The following AOPEP variants were observed in gnomAD, a reference collection of about 807,000 sequenced individuals.
AOPEP encodes aminopeptidase O.
Under a neutral mutation model 98.1 loss-of-function variants are expected in AOPEP, and 77 were observed. The observed-to-expected ratio is 0.78, with a 90% CI of 0.65 to 0.95. The LOEUF (loss-of-function observed/expected upper bound fraction) is 0.95. Among genes scored for constraint, AOPEP ranks in the 40% least tolerant of loss-of-function variants. The pLI is 0.00. For synonymous variants in AOPEP, 346 were observed against 365.3 expected, an observed-to-expected ratio of 0.95 and a Z score of 0.60; for missense variants, 1,024 against 1,024.7, an observed-to-expected ratio of 1.00 and a Z score of 0.01.
In AOPEP at chr9:95,058,297, AC is replaced by A. The variant is rs528852302; in HGVS notation, c.2116-2395del. Among the ~76,000 whole-genome samples the A allele has an allele frequency of 2.4e-3, 361 of 152,284 alleles. 1 individual carries two copies. Among genetic ancestry groups the A allele is most frequent in the African/African-American group, 8.1e-3 (338 of 41,542 alleles). Reference sequence around the variant, plus strand: ...TGCTCTGTGTGTCTCTTTAGTTTAGACCAAATCCCAAATGAGAGTTCTAACA... The same window carrying A: ...TGCTCTGTGTGTCTCTTTAGTTTAGACAAATCCCAAATGAGAGTTCTAACA... On this transcript the variant is annotated intron_variant, in intron 13 of 16. Coordinates refer to ENST00000375315, the MANE Select transcript of AOPEP (RefSeq NM_001193329.3).
chr9:94,834,820 AC>A (rs1564220671), intron 5 of AOPEP, among the ~76,000 whole-genome samples: 4 of 146,810 alleles, frequency 2.7e-5, no homozygotes, highest in African/African-American at 1.1e-4. Context: ...ATGCATACAT[AC>A]ATACATACAT....
chr9:95,046,012 CT>C (rs1267183644), intron 13 of AOPEP, among the ~76,000 whole-genome samples: 2 of 152,190 alleles, frequency 1.3e-5, no homozygotes, highest in African/African-American at 2.4e-5. Context: ...CAGCAGAGGA[CT>C]GCGCTGGGCC....
chr9:94,837,153 CAGAGG>C (rs2041705781), intron 5 of AOPEP, among the ~76,000 whole-genome samples: 1 of 152,138 alleles, frequency 6.6e-6, no homozygotes, highest in South Asian at 2.1e-4. Context: ...AACTAGAAAA[CAGAGG>C]AGATGGATAA....
chr9:94,941,129 C>T (rs145281272), intron 7 of AOPEP, among the ~76,000 whole-genome samples: 55 of 152,356 alleles, frequency 3.6e-4, no homozygotes, highest in Middle Eastern at 3.4e-3. Flanking sequence ...TAAGACTACC[C>T]TTCTGGAACC....
the AOPEP span, among the ~76,000 whole-genome samples, chr9:95,133,679 A>G: frequency 2.0e-5 from 3 of 152,328 alleles, no homozygotes; most frequent in African/African-American, 2.4e-5. Flanking sequence ...GAATTTTTCA[A>G]TAGGGAGAAG....
intron 5 of AOPEP, among the ~76,000 whole-genome samples, chr9:94,905,892 G>C (rs567278105): frequency 8.5e-5 from 13 of 152,164 alleles, no homozygotes; most frequent in Non-Finnish European, 1.9e-4. Flanking sequence ...AGGGGCTGGG[G>C]GGAGGGGGCC....
chr9:94,888,778 G>A (rs2048533014), intron 5 of AOPEP, among the ~76,000 whole-genome samples: 1 of 152,110 alleles, frequency 6.6e-6, no homozygotes, highest in Non-Finnish European at 1.5e-5. Flanking sequence ...TGAGTAAAGG[G>A]ACTACTATCT....
intron 1 of AOPEP, among the ~76,000 whole-genome samples, chr9:94,751,288 G>T (rs573636730): frequency 2.6e-5 from 4 of 152,210 alleles, no homozygotes; most frequent in South Asian, 4.2e-4. Flanking sequence ...TCAGTGGGAG[G>T]ATTAGTCTGC....
chr9:94,900,759 A>G (rs1397299207), intron 5 of AOPEP: 1 of 152,214 alleles, frequency 6.6e-6, no homozygotes, highest in East Asian at 1.9e-4. Context: ...GCATGTAGAC[A>G]ATCCAAATGT....
At chr9:94,926,262 A>T (rs1208363006) in intron 6 of AOPEP, among the ~76,000 whole-genome samples, 1 of 152,302 alleles carries the variant, frequency 6.6e-6, no homozygotes, top group East Asian at 1.9e-4. Context: ...ATAGAGAAGT[A>T]AACACTAAAT....
At chr9:95,094,728 C>T in the AOPEP span, among the ~76,000 whole-genome samples, 1,096 of 152,296 alleles carry the variant, frequency 7.2e-3, 10 homozygotes, top group African/African-American at 0.023. Flanking sequence ...TGCAGTGGCA[C>T]GATCTTGGCT....
At chr9:94,900,327 G>T (rs955881599) in intron 5 of AOPEP, 1 of 152,234 alleles carries the variant, frequency 6.6e-6, no homozygotes, top group African/African-American at 2.4e-5. Flanking sequence ...GACCACAGTA[G>T]CCTGCTAATG....
At chr9:94,971,146 T>C (rs2059510346) in intron 10 of AOPEP, among the ~76,000 whole-genome samples, 1 of 152,158 alleles carries the variant, frequency 6.6e-6, no homozygotes, top group Admixed American at 6.5e-5. Context: ...TGAATATTTA[T>C]TGAGGCTGCA....
At chr9:94,985,897 G>GC (rs2060485570) in intron 11 of AOPEP, among the ~76,000 whole-genome samples, 1 of 152,168 alleles carries the variant, frequency 6.6e-6, no homozygotes, top group Admixed American at 6.5e-5. Flanking sequence ...CAAGCACCTG[G>GC]CCCCCTCCAT....
the AOPEP span, among the ~76,000 whole-genome samples, chr9:95,116,135 C>T: frequency 6.6e-6 from 1 of 152,266 alleles, no homozygotes; most frequent in Non-Finnish European, 1.5e-5. Context: ...CATGCACCAC[C>T]TCACCGTTTA....
chr9:94,921,259 G>A (rs983726616), intron 5 of AOPEP: 3 of 152,246 alleles, frequency 2.0e-5, no homozygotes, highest in East Asian at 1.9e-4. Flanking sequence ...AAGACTGATC[G>A]CCGGCAGGCC....
intron 13 of AOPEP, among the ~76,000 whole-genome samples, chr9:95,055,944 T>G (rs1031882824): frequency 1.3e-5 from 2 of 151,766 alleles, no homozygotes; most frequent in Non-Finnish European, 2.9e-5. Context: ...TAGACAAATA[T>G]AGCAGAGAAT....
intron 5 of AOPEP, among the ~76,000 whole-genome samples, chr9:94,835,121 G>C (rs996526696): frequency 1.6e-4 from 25 of 152,112 alleles, no homozygotes; most frequent in Non-Finnish European, 5.9e-5. Flanking sequence ...ATTTCATAGG[G>C]GGAAAGGACA....
intron 13 of AOPEP, among the ~76,000 whole-genome samples, chr9:95,022,645 G>GTTTT (rs10659843): frequency 6.6e-6 from 1 of 150,734 alleles, no homozygotes. Context: ...GGCCTATTTT[G>GTTTT]TTTTTTTTTA....
Sources: allele counts gnomAD v4.1 joint callset (sites outside exome capture counted in the v4.1 genomes callset), GRCh38; gene constraint gnomAD v4.1.1; transcripts MANE v1.5; gene names NCBI Gene and HGNC (gene_info 2026-07-23, HGNC 2026-07-21).